Variants in TESK2 observed in about 807,000 individuals in gnomAD.
TESK2 encodes the protein dual specificity testis-specific protein kinase 2.
A neutral mutation model predicts 57.1 loss-of-function variants in TESK2; 39 were observed. The ratio of observed to expected loss-of-function variants is 0.68; its 90% CI spans 0.53 to 0.89. The LOEUF is 0.89. TESK2 is among the 40% of genes least tolerant of loss of function. The pLI is 0.00. For synonymous variants in TESK2, 249 were observed against 267.9 expected (o/e 0.93, Z 0.69); for missense variants, 646 against 732.1 (o/e 0.88, Z 1.36).
At chr1:45,477,702 C>T (rs1653054310) in intron 1 of TESK2, among the ~76,000 whole-genome samples, 1 of 151,850 alleles carries the variant, frequency 6.6e-6, no homozygotes, top group Non-Finnish European at 1.5e-5. Context: ...TCAGACAATA[C>T]AGGTGACAGT....
intron 4 of TESK2, among the ~76,000 whole-genome samples, chr1:45,379,919 C>T (rs898385496): frequency 6.6e-6 from 1 of 151,912 alleles, no homozygotes; most frequent in Non-Finnish European, 1.5e-5. Flanking sequence ...GGCAGAGTCT[C>T]GCTCTGTTGC....
intron 2 of TESK2, among the ~76,000 whole-genome samples, chr1:45,449,788 T>C (rs985796818): frequency 2.6e-5 from 4 of 152,184 alleles, no homozygotes; most frequent in African/African-American, 9.7e-5. Context: ...GCTTAACTCA[T>C]CTCGAGTTTA....
rs574485085 is a variant in TESK2 at position 45,444,036 on chromosome 1, G to A, written c.222+13528C>T. 2.8e-4 allele frequency among the ~76,000 whole-genome samples: 42 copies of A among 152,132 alleles called. 1 individual carries two copies. The East Asian group carries it at 5.6e-3, about 20-fold the overall frequency. ...CTACAAAAAAATTTAAAAATTAGCC[G>A]GGTGTGGTGGCACATGCCTGCAGTC... On this transcript the variant is annotated intron_variant, in intron 2 of 10. Coordinates refer to ENST00000372086, the MANE Select transcript of TESK2 (RefSeq NM_007170.3).
chr1:45,444,539 CCA>C (rs995508849), intron 2 of TESK2, among the ~76,000 whole-genome samples: 2 of 152,112 alleles, frequency 1.3e-5, no homozygotes, highest in Non-Finnish European at 2.9e-5. Context: ...CAGATTTGAA[CCA>C]CACACACTGT....
chr1:45,436,181 C>CTTTTTTTTT lies in TESK2; in HGVS notation c.223-14344_223-14336dup, dbSNP rs1170732475. ...CTGTGAAAAATGACATTGGTATCTTCTTTTTTTTTTTTTTTTTTTTTGAGA... is the reference window on the plus strand; with the variant it reads ...CTGTGAAAAATGACATTGGTATCTTCTTTTTTTTTTTTTTTTTTTTTTTTTTTTTTGAGA... On this transcript the variant is annotated intron_variant, in intron 2 of 10. Coordinates refer to ENST00000372086, the MANE Select transcript of TESK2 (RefSeq NM_007170.3). Among the ~76,000 whole-genome samples, 214 of 56,578 alleles carry CTTTTTTTTT rather than the reference C, an allele frequency of 3.8e-3. 49 individuals are homozygous for CTTTTTTTTT. The highest frequency in any genetic ancestry group is 9.9e-3 in the African/African-American group (168 of 16,960). 37.1% of individuals were successfully genotyped at this position (56,578 alleles called of 152,430 possible). A position where few individuals can be genotyped will look rare whatever the true frequency, so the allele number is the denominator to read the frequency against.
At chr1:45,371,080 A>G (rs560856398) in intron 4 of TESK2, among the ~76,000 whole-genome samples, 65 of 143,384 alleles carry the variant, frequency 4.5e-4, no homozygotes, top group Non-Finnish European at 7.5e-4. Flanking sequence ...AGCTACTATC[A>G]AAAAAAAAAA....
At chr1:45,385,853 G>A in intron 4 of TESK2, 59 bp downstream of exon 4, 1 of 1,280,618 alleles carries the variant, frequency 7.8e-7, no homozygotes, top group East Asian at 2.4e-5. Context: ...ACTTACTATG[G>A]AACTATAAAT....
intron 1 of TESK2, among the ~76,000 whole-genome samples, chr1:45,478,098 T>C (rs1407464644): frequency 6.6e-6 from 1 of 152,246 alleles, no homozygotes; most frequent in Non-Finnish European, 1.5e-5. Context: ...TCCAGCCTCA[T>C]CTATGTCCAT....
chr1:45,479,434 AT>A (rs966587495), intron 1 of TESK2, among the ~76,000 whole-genome samples: 248 of 147,186 alleles, frequency 1.7e-3, no homozygotes, highest in African/African-American at 5.4e-3. Flanking sequence ...GAAAAAAAAA[AT>A]TTTTTTTTTT....
intron 2 of TESK2, 74 bp from the exon 3 acceptor site, chr1:45,421,920 A>G: frequency 6.6e-7 from 1 of 1,506,560 alleles, no homozygotes; most frequent in South Asian, 1.2e-5. Context: ...CTCCAAATGT[A>G]CAATATGCCA....
At chr1:45,358,518 A>G (rs1647539833) in intron 4 of TESK2, among the ~76,000 whole-genome samples, 1 of 152,174 alleles carries the variant, frequency 6.6e-6, no homozygotes, top group Non-Finnish European at 1.5e-5. Context: ...AAATAATAAT[A>G]GCAGCTGTTA....
intron 3 of TESK2, among the ~76,000 whole-genome samples, chr1:45,403,764 C>A (rs1460541287): frequency 6.6e-6 from 1 of 151,482 alleles, no homozygotes; most frequent in African/African-American, 2.4e-5. Flanking sequence ...GCCAAGATTT[C>A]TGGGAGGAAA....
At chr1:45,403,979 T>G (rs1179485921) in intron 3 of TESK2, among the ~76,000 whole-genome samples, 1 of 151,112 alleles carries the variant, frequency 6.6e-6, no homozygotes, top group Non-Finnish European at 1.5e-5. Context: ...TTTTTCTTAA[T>G]CCAGGAAGTT....
chr1:45,389,037 A>G (rs909161633), intron 3 of TESK2, among the ~76,000 whole-genome samples: 1 of 152,026 alleles, frequency 6.6e-6, no homozygotes, highest in Non-Finnish European at 1.5e-5. Context: ...ATGGCTTTTA[A>G]GAGGTGATTG....
intron 3 of TESK2, among the ~76,000 whole-genome samples, chr1:45,417,985 A>T (rs1028933925): frequency 6.6e-6 from 1 of 152,208 alleles, no homozygotes; most frequent in African/African-American, 2.4e-5. Context: ...AATGGAATAA[A>T]ATTTATTTAA....
chr1:45,479,640 G>C (rs1653131641), intron 1 of TESK2, among the ~76,000 whole-genome samples: 2 of 151,664 alleles, frequency 1.3e-5, no homozygotes, highest in Admixed American at 6.6e-5. Context: ...CAGAGGAAGA[G>C]AGAATAGCCT....
intron 3 of TESK2, among the ~76,000 whole-genome samples, chr1:45,401,883 T>G (rs1242819462): frequency 1.3e-5 from 2 of 152,152 alleles, no homozygotes; most frequent in African/African-American, 4.8e-5. Flanking sequence ...CGTTGAGCAG[T>G]AAGCAGCATA....
chr1:45,430,515 T>TA (rs1650905374), intron 2 of TESK2, among the ~76,000 whole-genome samples: 1 of 151,880 alleles, frequency 6.6e-6, no homozygotes, highest in Non-Finnish European at 1.5e-5. Context: ...ACAGAAAAAA[T>TA]AGAGTCGTGA....
intron 2 of TESK2, among the ~76,000 whole-genome samples, chr1:45,441,768 C>T (rs533465055): frequency 4.6e-5 from 7 of 151,938 alleles, no homozygotes; most frequent in Admixed American, 3.9e-4. Flanking sequence ...AGGTACGTGC[C>T]ACCACGCCCA....
Sources: allele counts gnomAD v4.1 joint callset (sites outside exome capture counted in the v4.1 genomes callset), GRCh38; gene constraint gnomAD v4.1.1; transcripts MANE v1.5; gene names NCBI Gene and HGNC (gene_info 2026-07-23, HGNC 2026-07-21).